The following PCDHGA6 variants were observed in gnomAD, a reference collection of about 807,000 sequenced individuals.
PCDHGA6 encodes the protein protocadherin gamma-A6.
PCDHGA6 carries 41 observed loss-of-function variants against 60.6 expected under a neutral mutation model. That is an observed-to-expected ratio of 0.68 (90% CI 0.53 to 0.88). PCDHGA6 has a LOEUF of 0.88. Ranked by LOEUF, PCDHGA6 falls within the 40% of genes least tolerant of loss-of-function variation. The pLI is 0.00. For missense variants in PCDHGA6, 1,312 were observed against 1,203.0 expected (o/e 1.09, Z -1.34); for synonymous variants, 594 against 524.4 (o/e 1.13, Z -1.81).
chr5:141,438,638 A>G (rs1192725978), intron 1 of PCDHGA6, among the ~76,000 whole-genome samples: 1 of 22,806 alleles, frequency 4.4e-5, no homozygotes, highest in East Asian at 1.6e-3. Flanking sequence ...ATATATATAC[A>G]CACACACACA....
intron 1 of PCDHGA6, among the ~76,000 whole-genome samples, chr5:141,466,246 A>G (rs1357175003): frequency 6.6e-6 from 1 of 152,100 alleles, no homozygotes; most frequent in Non-Finnish European, 1.5e-5. Flanking sequence ...TCATGGCTCA[A>G]TGCAGCCTTG....
chr5:141,444,001 C>G (rs2098413288), intron 1 of PCDHGA6, among the ~76,000 whole-genome samples: 1 of 151,914 alleles, frequency 6.6e-6, no homozygotes, highest in Non-Finnish European at 1.5e-5. Flanking sequence ...TTAAATGCTA[C>G]CTGGGTATTG....
chr5:141,441,289 T>C (rs1350801949), intron 1 of PCDHGA6: 1 of 152,212 alleles, frequency 6.6e-6, no homozygotes, highest in Non-Finnish European at 1.5e-5. Flanking sequence ...CGAGGTCACA[T>C]GTCTGATATA....
At chr5:141,400,294 T>TTGCC (rs1347415154) in intron 1 of PCDHGA6, 1 of 1,614,070 alleles carries the variant, frequency 6.2e-7, no homozygotes, top group African/African-American at 1.3e-5. Context: ...CTGGAGCTGC[T>TTGCC]TCCAACCTGG....
intron 1 of PCDHGA6, chr5:141,419,265 C>G: frequency 6.2e-7 from 1 of 1,614,040 alleles, no homozygotes; most frequent in Non-Finnish European, 8.5e-7. Context: ...CAGCCGGGTG[C>G]CTCCATAGCG....
intron 1 of PCDHGA6, chr5:141,384,872 T>C (rs773444317): frequency 1.9e-6 from 3 of 1,613,766 alleles, no homozygotes; most frequent in Non-Finnish European, 1.7e-6. Flanking sequence ...TCAGCCACCG[T>C]CACACTCACC....
At chr5:141,419,210 GTTT>G in intron 1 of PCDHGA6, 1 of 1,613,926 alleles carries the variant, frequency 6.2e-7, no homozygotes, top group East Asian at 2.2e-5. Flanking sequence ...CAACGCGCCG[GTTT>G]TCGGACAGTC....
intron 1 of PCDHGA6, among the ~76,000 whole-genome samples, chr5:141,459,757 G>T (rs1360124889): frequency 6.6e-6 from 1 of 152,162 alleles, no homozygotes; most frequent in Admixed American, 6.6e-5. Flanking sequence ...ATTCTAGTGG[G>T]TGTGTGATAC....
chr5:141,466,285 C>A (rs1271958613), intron 1 of PCDHGA6, among the ~76,000 whole-genome samples: 1 of 152,148 alleles, frequency 6.6e-6, no homozygotes, highest in African/African-American at 2.4e-5. Context: ...ATCTTCCCAC[C>A]TCAGGCTCCC....
At chr5:141,478,675 G>T in intron 1 of PCDHGA6, 1 of 1,551,574 alleles carries the variant, frequency 6.4e-7, no homozygotes, top group Non-Finnish European at 8.7e-7. Flanking sequence ...ACTTTCAACT[G>T]GCCCTTCCTA....
chr5:141,385,626 G>T, intron 1 of PCDHGA6: 1 of 1,001,778 alleles, frequency 1.0e-6, no homozygotes, highest in Non-Finnish European at 1.3e-6. Flanking sequence ...ACATTGGAAT[G>T]AATCGAGTCT....
Position 141,491,797 on chromosome 5 carries a change from G to C in PCDHGA6, c.2425-3010G>C, listed in dbSNP as rs537755017. The C allele has an allele frequency of 7.9e-5, 119 of 1,506,700 alleles. No homozygotes were observed. In the Admixed American group the frequency reaches 1.4e-3, roughly 18 times the overall value. 93.3% of individuals were successfully genotyped at this position (1,506,700 alleles called of 1,614,324 possible). On this transcript the variant is annotated intron_variant, in intron 1 of 3. Coordinates refer to ENST00000517434, the MANE Select transcript of PCDHGA6 (RefSeq NM_018919.3). The surrounding 1 kb of genome is among the most constrained non-coding windows in gnomAD (Gnocchi z 6.9). The stretch of plus-strand genomic sequence containing the variant: ...ATTGAACTTGCATCCACTCCTCTCC[G>C]GCCGGCTTGGTCGCTGGCTGCGCTC...
At chr5:141,497,677 C>T in intron 2 of PCDHGA6, among the ~76,000 whole-genome samples, 1 of 151,836 alleles carries the variant, frequency 6.6e-6, no homozygotes, top group East Asian at 1.9e-4. Context: ...GTAGCTGGGA[C>T]AGCAGGTGTG....
intron 1 of PCDHGA6, among the ~76,000 whole-genome samples, chr5:141,456,843 A>G (rs2098891742): frequency 6.6e-6 from 1 of 152,030 alleles, no homozygotes. Context: ...GGCGCCTGTA[A>G]TCCCAGCTAA....
chr5:141,505,348 G>C, intron 2 of PCDHGA6, 45 bp from the exon 3 acceptor site: 1 of 1,613,358 alleles, frequency 6.2e-7, no homozygotes, highest in Non-Finnish European at 8.5e-7. Flanking sequence ...GGCATGAGCT[G>C]TGCCGGCCTG....
chr5:141,425,500 T>C (rs2096879850), intron 1 of PCDHGA6, among the ~76,000 whole-genome samples: 1 of 152,246 alleles, frequency 6.6e-6, no homozygotes, highest in South Asian at 2.1e-4. Context: ...GCTATACCTT[T>C]ATATTCTCTT....
intron 1 of PCDHGA6, chr5:141,428,889 C>G (rs1486441305): frequency 1.3e-5 from 2 of 150,826 alleles, no homozygotes; most frequent in African/African-American, 4.9e-5. Flanking sequence ...GAGTCTCGCT[C>G]TGTGGTCCAG....
At chr5:141,437,312 G>T (rs2097875410) in intron 1 of PCDHGA6, among the ~76,000 whole-genome samples, 1 of 152,176 alleles carries the variant, frequency 6.6e-6, no homozygotes, top group South Asian at 2.1e-4. Context: ...AAAGCGTTCA[G>T]CTATAATTTA....
At chr5:141,408,008 C>A in intron 1 of PCDHGA6, 2 of 949,842 alleles carry the variant, frequency 2.1e-6, no homozygotes, top group Non-Finnish European at 3.0e-6. Context: ...GGATTCCCTG[C>A]GCAGCCAACA....
Sources: allele counts gnomAD v4.1 joint callset (sites outside exome capture counted in the v4.1 genomes callset), GRCh38; gene constraint gnomAD v4.1.1; non-coding constraint Gnocchi (gnomAD v3.1); transcripts MANE v1.5; gene names NCBI Gene and HGNC (gene_info 2026-07-23, HGNC 2026-07-21).